The following PUM2 variants were observed in gnomAD, a reference collection of about 807,000 sequenced individuals.
The protein encoded by PUM2 is pumilio RNA binding family member 2, also known as pumilio homolog 2.
A neutral mutation model predicts 124.5 loss-of-function variants in PUM2; 57 were observed. That is an observed-to-expected ratio of 0.46 (90% CI 0.37 to 0.57). The LOEUF (loss-of-function observed/expected upper bound fraction) is 0.57. Ranked by LOEUF, PUM2 falls within the 20% of genes least tolerant of loss-of-function variation. The pLI, the probability that PUM2 is intolerant of heterozygous loss-of-function variation, is 0.00. For synonymous variants in PUM2, 460 were observed against 446.1 expected, an observed-to-expected ratio of 1.03 and a Z score of -0.39; for missense variants, 1,065 against 1,290.6, an observed-to-expected ratio of 0.83 and a Z score of 2.68.
chr2:20,295,766 T>C (rs1675384634), intron 8 of PUM2, among the ~76,000 whole-genome samples: 1 of 152,220 alleles, frequency 6.6e-6, no homozygotes, highest in African/African-American at 2.4e-5. Context: ...TTTATTAACA[T>C]GCTGAAATTA....
At chr2:20,260,594 G>T in intron 14 of PUM2, 128 bp from the exon 15 acceptor site, 1 of 779,040 alleles carries the variant, frequency 1.3e-6, no homozygotes, top group Non-Finnish European at 1.8e-6. Context: ...ATAGTAGACA[G>T]CTAACTTACA....
At chr2:20,307,481 G>A (rs1678623050) in intron 7 of PUM2, among the ~76,000 whole-genome samples, 1 of 152,162 alleles carries the variant, frequency 6.6e-6, no homozygotes, top group Non-Finnish European at 1.5e-5. Context: ...TAATTTAAGT[G>A]TAGCCATTAG....
In PUM2 at chr2:20,249,033, A is replaced by C. The variant is rs1558452033; in HGVS notation, c.*2552T>G. 6.6e-6 allele frequency: 1 copy of C among 152,264 alleles called. No individual in the cohort carries two copies. Among genetic ancestry groups the C allele is most frequent in the African/African-American group, 2.4e-5 (1 of 41,466 alleles). The allele number at this position is 152,264 out of a possible 1,614,324, so 9.4% of individuals were successfully genotyped here. ...GGCAGACTGTAAAATTTCTACAAGA[A>C]CAGGTACTTTTGTAGAGCAGGCCTG... On this transcript the variant is annotated 3_prime_UTR_variant, in exon 21 of 21. Coordinates refer to ENST00000361078, the MANE Select transcript of PUM2 (RefSeq NM_015317.5).
At chr2:20,316,430 A>G (rs921490621) in intron 3 of PUM2, among the ~76,000 whole-genome samples, 2 of 152,098 alleles carry the variant, frequency 1.3e-5, no homozygotes, top group Non-Finnish European at 2.9e-5. Context: ...CTGGCTAATT[A>G]TCATCCAAAA....
intron 1 of PUM2, among the ~76,000 whole-genome samples, chr2:20,345,290 T>C (rs1182305360): frequency 6.6e-6 from 1 of 151,904 alleles, no homozygotes; most frequent in Admixed American, 6.6e-5. Flanking sequence ...TTTTAATTTT[T>C]TTAGAGACAA....
chr2:20,281,844 A>C (rs7558385), intron 12 of PUM2, among the ~76,000 whole-genome samples: 2 of 152,188 alleles, frequency 1.3e-5, no homozygotes, highest in South Asian at 2.1e-4. Context: ...TCTGCCATCT[A>C]AAAGTTTGTG....
chr2:20,320,461 G>A (rs944755925), intron 2 of PUM2, among the ~76,000 whole-genome samples: 1 of 151,904 alleles, frequency 6.6e-6, no homozygotes, highest in African/African-American at 2.4e-5. Flanking sequence ...ACCAGGAGAG[G>A]CAGCTTTAAA....
Position 20,263,457 on chromosome 2 carries a change from C to A in PUM2, c.1961G>T (p.Gly654Val), listed in dbSNP as rs1392876491. Residue 654 changes from glycine to valine, a missense_variant, in exon 14 of 21, where the codon GGA (glycine) becomes GTA (valine). By Grantham distance (109) the Gly-to-Val change is moderately radical. This residue lies in a region of PUM2 where 968 missense variants were observed against 1,159.8 expected (regional missense o/e 0.83). Coordinates refer to ENST00000361078, the MANE Select transcript of PUM2 (RefSeq NM_015317.5). The stretch of plus-strand genomic sequence containing the variant: ...ATATCGACCACTACCATTTGTCAGT[C>A]CTCCTACAACAAAGCAGCTATGGTC... ...HGSSSSLHLG[G>V]LTNGSGRYIS... The A allele has an allele frequency of 6.3e-7, 1 of 1,596,666 alleles. No individual in the cohort carries two copies. The highest frequency in any genetic ancestry group is 1.3e-5 in the African/African-American group (1 of 74,618).
At chr2:20,308,283 G>C (rs762071518) in intron 6 of PUM2, 31 bp downstream of exon 6, 1 of 1,604,218 alleles carries the variant, frequency 6.2e-7, no homozygotes, top group Non-Finnish European at 8.5e-7. Context: ...ACAGTTAAGA[G>C]GACCTTCTTA....
At chr2:20,281,303 G>A (rs1248874473) in intron 12 of PUM2, among the ~76,000 whole-genome samples, 2 of 152,084 alleles carry the variant, frequency 1.3e-5, no homozygotes, top group African/African-American at 2.4e-5. Context: ...GGGAAACAGG[G>A]CATCTGTAGT....
chr2:20,263,213 A>G lies in PUM2; in HGVS notation c.2205T>C (p.Ser735=). ...RDLIGHIVEF[S]QDQHGSRFIQ... ...CCTACCTAGAACCATGCTGGTCTTG[A>G]GAAAACTCAACTATATGTCCAATCA... The change falls in exon 14 of 21, where the codon TCT becomes TCC. Residue 735 remains serine, a synonymous_variant. Coordinates refer to ENST00000361078, the MANE Select transcript of PUM2 (RefSeq NM_015317.5). The G allele has an allele frequency of 1.2e-6, 2 of 1,601,446 alleles. No homozygotes were observed. The highest frequency in any genetic ancestry group is 1.3e-5 in the African/African-American group (1 of 74,726).
At chr2:20,301,265 T>C (rs1676903852) in intron 7 of PUM2, among the ~76,000 whole-genome samples, 1 of 152,226 alleles carries the variant, frequency 6.6e-6, no homozygotes, top group African/African-American at 2.4e-5. Context: ...TATCTTTTGG[T>C]TTGCAACTTC....
At chr2:20,292,513 C>T (rs1674406732) in intron 9 of PUM2, among the ~76,000 whole-genome samples, 1 of 152,136 alleles carries the variant, frequency 6.6e-6, no homozygotes, top group Non-Finnish European at 1.5e-5. Flanking sequence ...CAGGCGCACG[C>T]CACCACGCTT....
At chr2:20,254,090 A>C in intron 19 of PUM2, 76 bp from the exon 20 acceptor site, 1 of 1,236,206 alleles carries the variant, frequency 8.1e-7, no homozygotes, top group Non-Finnish European at 1.1e-6. Flanking sequence ...TATAGAAAGA[A>C]TCTTCTCCAA....
intron 1 of PUM2, among the ~76,000 whole-genome samples, chr2:20,329,521 G>A (rs1684450345): frequency 6.6e-6 from 1 of 151,970 alleles, no homozygotes; most frequent in Non-Finnish European, 1.5e-5. Context: ...GACGGTCTTG[G>A]GTATGTCTGA....
intron 1 of PUM2, among the ~76,000 whole-genome samples, chr2:20,334,653 T>C (rs1475369761): frequency 6.6e-6 from 1 of 152,200 alleles, no homozygotes; most frequent in Non-Finnish European, 1.5e-5. Context: ...TATTTACATA[T>C]CTTCATATAT....
chr2:20,334,535 A>C (rs1351751138), intron 1 of PUM2, among the ~76,000 whole-genome samples: 3 of 152,182 alleles, frequency 2.0e-5, no homozygotes, highest in Admixed American at 1.3e-4. Context: ...GGGATTAGTG[A>C]CTGTCTTAGC....
intron 2 of PUM2, among the ~76,000 whole-genome samples, chr2:20,326,878 G>A (rs549616806): frequency 6.6e-6 from 1 of 152,104 alleles, no homozygotes; most frequent in African/African-American, 2.4e-5. Context: ...CATCCCAGTC[G>A]AGTCTTGTAG....
Position 20,301,483 on chromosome 2 carries a change from C to T in PUM2, c.884-3805G>A, listed in dbSNP as rs754341312. ...CCTGATATGTATACATACTTTTAAA[C>T]GCATATATACTCATTCATTTTGTAC... On this transcript the variant is annotated intron_variant, in intron 7 of 20. Transcript: ENST00000361078. Among the ~76,000 whole-genome samples, 117 of 152,114 alleles carry T rather than the reference C, an allele frequency of 7.7e-4. 2 individuals are homozygous for T. Among genetic ancestry groups the T allele is most frequent in the Non-Finnish European group, 6.8e-4 (46 of 67,996 alleles).
Sources: gnomAD v4.1 joint callset for allele counts (sites outside exome capture counted in the v4.1 genomes callset) on GRCh38, gnomAD v4.1.1 for gene constraint, gnomAD v4.1.1 regional missense constraint, MANE v1.5 for transcripts, NCBI Gene and HGNC (gene_info 2026-07-23, HGNC 2026-07-21) for gene names.